GABBR2: variants seen among roughly 807,000 people sequenced by gnomAD.
GABBR2 encodes the protein gamma-aminobutyric acid type B receptor subunit 2.
In GABBR2, 23 loss-of-function variants were observed where a neutral mutation model predicts 105.6. The observed-to-expected ratio is 0.22, with a 90% CI of 0.16 to 0.31. The LOEUF (loss-of-function observed/expected upper bound fraction) is 0.31, where lower values mean the gene tolerates loss of function less well. Among genes scored for constraint, GABBR2 ranks in the 10% least tolerant of loss-of-function variants. GABBR2 has a pLI of 1.00. For missense variants in GABBR2, 734 were observed against 1,245.5 expected, an observed-to-expected ratio of 0.59 and a Z score of 6.18; for synonymous variants, 478 against 499.7, an observed-to-expected ratio of 0.96 and a Z score of 0.58.
intron 6 of GABBR2, among the ~76,000 whole-genome samples, chr9:98,464,835 C>G (rs976375009): frequency 2.0e-5 from 3 of 152,080 alleles, no homozygotes; most frequent in Non-Finnish European, 4.4e-5. Flanking sequence ...CCCGTGCTCT[C>G]TGAAACATGT....
rs569789316 is a variant in GABBR2, at chr9:98,412,940, C to T, written c.1237-6799G>A. ...CTTTTAGTCCAATCACATTCCTACG[C>T]GGCTGTCTAGACTTTATTGAATCTA... is the stretch of plus-strand genomic sequence containing the variant. On this transcript the variant is annotated intron_variant, in intron 7 of 18. Coordinates refer to ENST00000259455, the MANE Select transcript of GABBR2 (RefSeq NM_005458.8). Among the ~76,000 whole-genome samples the T allele has an allele frequency of 9.7e-4, 147 of 152,308 alleles. 1 individual carries two copies. Among genetic ancestry groups the T allele is most frequent in the Admixed American group, 1.4e-3 (21 of 15,300 alleles).
chr9:98,621,844 A>G (rs1449349575), intron 1 of GABBR2, among the ~76,000 whole-genome samples: 1 of 152,232 alleles, frequency 6.6e-6, no homozygotes, highest in Non-Finnish European at 1.5e-5. Flanking sequence ...AGCCTCATGC[A>G]GAAGGAATGG....
intron 13 of GABBR2, among the ~76,000 whole-genome samples, chr9:98,338,022 G>A (rs72759640): frequency 0.017 from 2,532 of 152,110 alleles, 28 homozygotes; most frequent in Non-Finnish European, 0.026. Flanking sequence ...ACTCCGTCTC[G>A]AAAAAACCAA....
chr9:98,443,986 G>C (rs1159444321), intron 7 of GABBR2, among the ~76,000 whole-genome samples: 1 of 152,200 alleles, frequency 6.6e-6, no homozygotes, highest in African/African-American at 2.4e-5. Context: ...GAATTAATTG[G>C]ATACCTAAAT....
At chr9:98,428,750 A>G (rs375222343) in intron 7 of GABBR2, among the ~76,000 whole-genome samples, 2 of 152,218 alleles carry the variant, frequency 1.3e-5, no homozygotes, top group South Asian at 4.1e-4. Context: ...CTGGTGCTAT[A>G]AGGAAAATGG....
chr9:98,338,804 C>T (rs1831160073), intron 13 of GABBR2, among the ~76,000 whole-genome samples: 1 of 152,180 alleles, frequency 6.6e-6, no homozygotes, highest in Non-Finnish European at 1.5e-5. Context: ...GAACTAAAAG[C>T]ATATGTTCAC....
chr9:98,402,250 C>T (rs748993577), intron 8 of GABBR2, among the ~76,000 whole-genome samples: 115 of 152,164 alleles, frequency 7.6e-4, no homozygotes, highest in Non-Finnish European at 1.1e-3. Context: ...GCTCTAATCA[C>T]GGCTTCACTC....
At chr9:98,369,772 C>CCA (rs1282104246) in intron 12 of GABBR2, among the ~76,000 whole-genome samples, 1 of 151,758 alleles carries the variant, frequency 6.6e-6, no homozygotes, top group Non-Finnish European at 1.5e-5. Context: ...CAGGTGATGC[C>CCA]CACATCAGGA....
At chr9:98,455,132 C>T (rs1327517664) in intron 6 of GABBR2, among the ~76,000 whole-genome samples, 1 of 152,144 alleles carries the variant, frequency 6.6e-6, no homozygotes, top group African/African-American at 2.4e-5. Flanking sequence ...ATATAACAGT[C>T]CGAATAGGCC....
intron 13 of GABBR2, among the ~76,000 whole-genome samples, chr9:98,360,239 C>T (rs1375447120): frequency 1.3e-5 from 2 of 152,192 alleles, no homozygotes; most frequent in Admixed American, 1.3e-4. Context: ...CCTGGGCACA[C>T]TGTTCAACTA....
chr9:98,290,480 T>A lies in GABBR2; in HGVS notation c.*104A>T, dbSNP rs1830285141. On this transcript the variant is annotated 3_prime_UTR_variant, in exon 19 of 19. Transcript: ENST00000259455. ...AGTGGTCCTGAGAGGCCAGCCATGG[T>A]GCCCAGCTTCTCCGCAGCCAGAGCC... 1 of 823,880 alleles carries A rather than the reference T, an allele frequency of 1.2e-6. No homozygotes were observed. The highest frequency in any genetic ancestry group is 4.3e-5 in the Admixed American group (1 of 23,286). The allele number at this position is 823,880 out of a possible 1,614,324, so 51.0% of individuals were successfully genotyped here. A position where few individuals can be genotyped will look rare whatever the true frequency, so the allele number is the denominator to read the frequency against.
chr9:98,641,967 G>A (rs913313811), intron 1 of GABBR2, among the ~76,000 whole-genome samples: 2 of 152,102 alleles, frequency 1.3e-5, no homozygotes, highest in South Asian at 2.1e-4. Context: ...GAACAGGGGC[G>A]ATTCGAGGAG....
chr9:98,376,548 AAAGCAAG>A (rs1831876927), intron 11 of GABBR2, among the ~76,000 whole-genome samples: 1 of 145,390 alleles, frequency 6.9e-6, no homozygotes, highest in African/African-American at 2.9e-5. Flanking sequence ...AGAGCGCCCC[AAAGCAAG>A]CCCCAGAGCA....
chr9:98,441,379 A>AT, intron 7 of GABBR2, among the ~76,000 whole-genome samples: 1 of 152,062 alleles, frequency 6.6e-6, no homozygotes, highest in East Asian at 1.9e-4. Context: ...ATTATTTATT[A>AT]TTTTTTGAGA....
chr9:98,678,013 T>C (rs1830496327), intron 1 of GABBR2, among the ~76,000 whole-genome samples: 2 of 152,208 alleles, frequency 1.3e-5, no homozygotes, highest in Non-Finnish European at 2.9e-5. Context: ...ATTTTTGCAT[T>C]GTCTGTCTCC....
Position 98,289,196 on chromosome 9 carries a change from C to CTGTT in GABBR2, c.*1384_*1387dup, listed in dbSNP as rs1368362530. Reference sequence around the variant, plus strand: ...TACCTCACGGATCAGGGCGGCTTCACTGTTTGGTACAAAGCTTTCCTGGAC... The same window carrying CTGTT: ...TACCTCACGGATCAGGGCGGCTTCACTGTTTGTTTGGTACAAAGCTTTCCTGGAC... On this transcript the variant is annotated 3_prime_UTR_variant, in exon 19 of 19. Coordinates refer to ENST00000259455, the MANE Select transcript of GABBR2 (RefSeq NM_005458.8). 2 of 152,418 alleles carry CTGTT rather than the reference C, an allele frequency of 1.3e-5. No homozygotes were observed. Among genetic ancestry groups the CTGTT allele is most frequent in the African/African-American group, 2.4e-5 (1 of 41,410 alleles). The allele number at this position is 152,418 out of a possible 1,614,324, so 9.4% of individuals were successfully genotyped here. A position where few individuals can be genotyped will look rare whatever the true frequency, so the allele number is the denominator to read the frequency against.
chr9:98,351,200 G>C (rs1252087805), intron 13 of GABBR2, among the ~76,000 whole-genome samples: 1 of 151,974 alleles, frequency 6.6e-6, no homozygotes, highest in African/African-American at 2.4e-5. Flanking sequence ...TCCAGTCTAT[G>C]TCTTTTAATT....
chr9:98,566,574 C>T (rs181904987), intron 2 of GABBR2, among the ~76,000 whole-genome samples: 158 of 152,146 alleles, frequency 1.0e-3, no homozygotes, highest in African/African-American at 3.6e-3. Context: ...ACTCGGGAGG[C>T]CGAGGCAGGA....
At chr9:98,609,196 C>A (rs1319003722) in intron 1 of GABBR2, among the ~76,000 whole-genome samples, 1 of 152,164 alleles carries the variant, frequency 6.6e-6, no homozygotes, top group Non-Finnish European at 1.5e-5. Flanking sequence ...GACATAGAAT[C>A]ATTTCTTATA....
Sources: allele counts gnomAD v4.1 joint callset (sites outside exome capture counted in the v4.1 genomes callset), GRCh38; gene constraint gnomAD v4.1.1; transcripts MANE v1.5; gene names NCBI Gene and HGNC (gene_info 2026-07-23, HGNC 2026-07-21).